Variants in SOCS2 observed in about 807,000 individuals in gnomAD.
SOCS2 encodes CIS-2.
In SOCS2, 10 loss-of-function variants were observed where a neutral mutation model predicts 18.6. The observed-to-expected ratio is 0.54, with a 90% CI of 0.33 to 0.91. SOCS2 has a LOEUF of 0.91. SOCS2 is among the 40% of genes least tolerant of loss of function. The probability of loss-of-function intolerance (pLI) is 0.02; values close to 1 mark genes in which losing one functional copy is unlikely to be tolerated. For missense variants in SOCS2, 231 were observed against 247.2 expected (o/e 0.93, Z 0.44); for synonymous variants, 104 against 104.0 (o/e 1.00, Z 0.00).
chr12:93,608,272 A>G, the SOCS2 span, among the ~76,000 whole-genome samples: 4 of 151,946 alleles, frequency 2.6e-5, no homozygotes, highest in African/African-American at 7.3e-5. Flanking sequence ...AACTGTTGAG[A>G]TTACAGGCAT....
At chr12:93,591,267 A>AC in the SOCS2 span, among the ~76,000 whole-genome samples, 1 of 151,638 alleles carries the variant, frequency 6.6e-6, no homozygotes, top group Admixed American at 6.6e-5. Flanking sequence ...GAACAAACAA[A>AC]AAAAAAAAAA....
exon 2 of SOCS2, chr12:93,583,333 T>C (rs1372326429): frequency 6.6e-6 from 1 of 152,234 alleles, no homozygotes; most frequent in Admixed American, 6.5e-5. Context: ...AGATTATTCT[T>C]ATTTCCAATT....
the SOCS2 span, among the ~76,000 whole-genome samples, chr12:93,617,795 C>T: frequency 6.6e-6 from 1 of 152,034 alleles, no homozygotes; most frequent in African/African-American, 2.4e-5. Flanking sequence ...GCAAGTTGAC[C>T]TCAAATCCAT....
At chr12:93,614,475 C>CT in the SOCS2 span, among the ~76,000 whole-genome samples, 196 of 77,622 alleles carry the variant, frequency 2.5e-3, 20 homozygotes, top group East Asian at 0.019. Flanking sequence ...TCCTTCCTTC[C>CT]TTCCTTTCCT....
At chr12:93,578,680 T>TCA (rs1565843789), downstream of SOCS2, among the ~76,000 whole-genome samples, 2 of 116,960 alleles carry the variant, frequency 1.7e-5, no homozygotes, top group African/African-American at 6.5e-5. Flanking sequence ...ATTTGCATGC[T>TCA]CGCACACACA....
the SOCS2 span, among the ~76,000 whole-genome samples, chr12:93,606,763 C>T: frequency 6.6e-6 from 1 of 152,138 alleles, no homozygotes; most frequent in Non-Finnish European, 1.5e-5. Flanking sequence ...AGTGATCCTC[C>T]TGCCTCAGCC....
the SOCS2 span, among the ~76,000 whole-genome samples, chr12:93,619,622 T>C: frequency 6.6e-6 from 1 of 152,228 alleles, no homozygotes; most frequent in Middle Eastern, 3.2e-3. Context: ...TGAGATACCT[T>C]ACTGTCCCTG....
chr12:93,620,907 G>A, the SOCS2 span, among the ~76,000 whole-genome samples: 4 of 152,326 alleles, frequency 2.6e-5, no homozygotes, highest in South Asian at 8.3e-4. Context: ...GCAGATAGAT[G>A]GATACCTTTG....
the SOCS2 span, among the ~76,000 whole-genome samples, chr12:93,619,672 C>T: frequency 6.6e-6 from 1 of 152,128 alleles, no homozygotes; most frequent in Admixed American, 6.6e-5. Context: ...GGTTACCATA[C>T]CCTATTAAAG....
At chr12:93,585,495 C>T (rs1446631171), downstream of SOCS2, among the ~76,000 whole-genome samples, 2 of 152,172 alleles carry the variant, frequency 1.3e-5, no homozygotes, top group African/African-American at 4.8e-5. Context: ...CACAGTTCTC[C>T]CCTGTGCCAA....
the SOCS2 span, among the ~76,000 whole-genome samples, chr12:93,613,127 G>C: frequency 4.6e-5 from 7 of 152,208 alleles, no homozygotes; most frequent in Admixed American, 4.6e-4. Flanking sequence ...CCAAGGAACA[G>C]AGGAAGCCAA....
chr12:93,592,872 T>A, the SOCS2 span, among the ~76,000 whole-genome samples: 1 of 151,134 alleles, frequency 6.6e-6, no homozygotes, highest in Non-Finnish European at 1.5e-5. Flanking sequence ...GACTGTGGCT[T>A]CATAGACAGC....
At chr12:93,588,385 T>G (rs555774563), downstream of SOCS2, among the ~76,000 whole-genome samples, 4 of 152,344 alleles carry the variant, frequency 2.6e-5, no homozygotes, top group African/African-American at 4.8e-5. Flanking sequence ...TAATTTGATA[T>G]TTACATTTTA....
chr12:93,579,213 A>G (rs372002938), downstream of SOCS2, among the ~76,000 whole-genome samples: 2 of 152,330 alleles, frequency 1.3e-5, no homozygotes, highest in Admixed American at 1.3e-4. Flanking sequence ...CATAAGGGAT[A>G]GTTAATTCCT....
chr12:93,615,848 G>A, the SOCS2 span, among the ~76,000 whole-genome samples: 5 of 152,250 alleles, frequency 3.3e-5, no homozygotes, highest in East Asian at 3.9e-4. Context: ...CTCCCGCCTC[G>A]GCCTCCCAAA....
chr12:93,594,865 T>C, the SOCS2 span, among the ~76,000 whole-genome samples: 1 of 152,232 alleles, frequency 6.6e-6, no homozygotes, highest in East Asian at 1.9e-4. Flanking sequence ...ACATAACCAG[T>C]ACATGAACTA....
At chr12:93,609,474 T>C in the SOCS2 span, among the ~76,000 whole-genome samples, 1 of 151,742 alleles carries the variant, frequency 6.6e-6, no homozygotes, top group Non-Finnish European at 1.5e-5. Flanking sequence ...TATTAATTTT[T>C]ATTACCTTAA....
chr12:93,612,359 G>A, the SOCS2 span, among the ~76,000 whole-genome samples: 1 of 150,536 alleles, frequency 6.6e-6, no homozygotes, highest in Non-Finnish European at 1.5e-5. Context: ...CAGTGCCATT[G>A]TACTTTTTTT....
intron 1 of SOCS2, among the ~76,000 whole-genome samples, chr12:93,582,169 A>G (rs1954548938): frequency 6.6e-6 from 1 of 152,222 alleles, no homozygotes; most frequent in South Asian, 2.1e-4. Flanking sequence ...CTGAGTGTTA[A>G]TAGACTGGAA....
Sources: allele counts gnomAD v4.1 joint callset (sites outside exome capture counted in the v4.1 genomes callset), GRCh38; gene constraint gnomAD v4.1.1; transcripts MANE v1.5; gene names NCBI Gene and HGNC (gene_info 2026-07-23, HGNC 2026-07-21).